Variants in PCBP3 observed in about 807,000 individuals in gnomAD.
The protein encoded by PCBP3 is poly(rC)-binding protein 3.
Under a neutral mutation model 52.7 loss-of-function variants are expected in PCBP3, and 25 were observed. That is an observed-to-expected ratio of 0.47 (90% CI 0.35 to 0.66). The LOEUF is 0.66. Among genes scored for constraint, PCBP3 ranks in the 30% least tolerant of loss-of-function variants. The pLI, the probability that PCBP3 is intolerant of heterozygous loss-of-function variation, is 0.01. For missense variants in PCBP3, 391 were observed against 490.3 expected, an observed-to-expected ratio of 0.80 and a Z score of 1.91; for synonymous variants, 162 against 183.0, an observed-to-expected ratio of 0.89 and a Z score of 0.93.
At chr21:45,926,508 G>A (rs1253681342) in intron 13 of PCBP3, among the ~76,000 whole-genome samples, 2 of 152,178 alleles carry the variant, frequency 1.3e-5, no homozygotes, top group East Asian at 3.9e-4. Flanking sequence ...TATGTCAAAC[G>A]GTGTGGTTTT....
At position 45,935,278 on chromosome 21, in the gene PCBP3, C is replaced by T. The variant is rs774683400; in HGVS notation, c.882C>T (p.Ser294=). Residue 294 remains serine, a synonymous_variant, in exon 16 of 18, where the codon AGC becomes AGT. Coordinates refer to ENST00000681687, the MANE Select transcript of PCBP3 (RefSeq NM_001384156.1). ...GTCTGGACGCCAGCCCACCGGCCAG[C>T]ACTCATGAGCTCACCATTCCCAATG... ...SSGLDASPPA[S]THELTIPNDL... 6.2e-7 allele frequency: 1 copy of T among 1,613,190 alleles called. No homozygotes were observed. The highest frequency in any genetic ancestry group is 1.1e-5 in the South Asian group (1 of 91,044).
intron 13 of PCBP3, among the ~76,000 whole-genome samples, chr21:45,925,052 C>T (rs1297186463): frequency 1.1e-5 from 1 of 94,256 alleles, no homozygotes; most frequent in East Asian, 2.2e-4. Flanking sequence ...GTAGAAACAG[C>T]ACACGTAAGA....
chr21:45,929,126 C>T (rs1603538603), intron 13 of PCBP3, among the ~76,000 whole-genome samples: 1 of 152,316 alleles, frequency 6.6e-6, no homozygotes, highest in Admixed American at 6.5e-5. Flanking sequence ...AAATGAGGCT[C>T]AGGTAAAATA....
At chr21:45,852,142 T>C (rs2094035074) in intron 5 of PCBP3, among the ~76,000 whole-genome samples, 1 of 152,268 alleles carries the variant, frequency 6.6e-6, no homozygotes, top group South Asian at 2.1e-4. Context: ...GTGATGGATA[T>C]GCTAATTTCC....
At chr21:45,781,023 A>G (rs1183300457) in intron 4 of PCBP3, among the ~76,000 whole-genome samples, 1 of 152,192 alleles carries the variant, frequency 6.6e-6, no homozygotes, top group African/African-American at 2.4e-5. Context: ...GCTGTCCCAC[A>G]GGAAGGTGAT....
At chr21:45,856,082 A>G (rs996823051) in intron 5 of PCBP3, among the ~76,000 whole-genome samples, 1 of 152,220 alleles carries the variant, frequency 6.6e-6, no homozygotes, top group African/African-American at 2.4e-5. Flanking sequence ...CTCCAAAGCC[A>G]TCTTTTATGG....
intron 2 of PCBP3, among the ~76,000 whole-genome samples, chr21:45,723,764 G>C: frequency 6.6e-6 from 1 of 152,186 alleles, no homozygotes; most frequent in East Asian, 1.9e-4. Flanking sequence ...TCGAGCTCAG[G>C]GTCTGTGGGA....
intron 2 of PCBP3, among the ~76,000 whole-genome samples, chr21:45,673,322 T>C (rs955667163): frequency 3.9e-5 from 6 of 152,174 alleles, no homozygotes; most frequent in African/African-American, 1.4e-4. Flanking sequence ...GTCACAAAGG[T>C]GTGGTATGGC....
chr21:45,786,183 AAAAAT>A (rs2091144864), intron 4 of PCBP3, among the ~76,000 whole-genome samples: 1 of 151,798 alleles, frequency 6.6e-6, no homozygotes, highest in African/African-American at 2.4e-5. Flanking sequence ...AGTTTCCAAA[AAAAAT>A]AAAAAGTTTC....
At chr21:45,851,551 C>T (rs528543011) in intron 5 of PCBP3, among the ~76,000 whole-genome samples, 80 of 151,032 alleles carry the variant, frequency 5.3e-4, no homozygotes, top group African/African-American at 1.5e-3. Context: ...TGGTGACAGT[C>T]GATGGAACAG....
intron 2 of PCBP3, among the ~76,000 whole-genome samples, chr21:45,711,337 A>G (rs2083823836): frequency 6.6e-6 from 1 of 152,194 alleles, no homozygotes; most frequent in African/African-American, 2.4e-5. Context: ...ATATACATCT[A>G]TAGATATTTC....
intron 16 of PCBP3, among the ~76,000 whole-genome samples, chr21:45,938,845 T>C (rs527519273): frequency 1.5e-3 from 223 of 152,282 alleles, no homozygotes; most frequent in Non-Finnish European, 2.8e-3. Context: ...TGAGACACCA[T>C]AGGTCTCCTC....
chr21:45,792,646 C>CT (rs1179257965), intron 4 of PCBP3, among the ~76,000 whole-genome samples: 3 of 152,162 alleles, frequency 2.0e-5, no homozygotes, highest in African/African-American at 7.2e-5. Context: ...GTCAGAGGAC[C>CT]AGATGTCTTG....
intron 13 of PCBP3, among the ~76,000 whole-genome samples, chr21:45,925,898 C>G (rs998642930): frequency 3.9e-5 from 6 of 152,108 alleles, no homozygotes; most frequent in Non-Finnish European, 5.9e-5. Flanking sequence ...GAGTGATAGG[C>G]CAAGTAGACA....
At chr21:45,804,597 G>A (rs1371986557) in intron 4 of PCBP3, among the ~76,000 whole-genome samples, 1 of 152,082 alleles carries the variant, frequency 6.6e-6, no homozygotes, top group Non-Finnish European at 1.5e-5. Context: ...TTGGTCCATT[G>A]CCTGGGCTCT....
chr21:45,920,056 T>A (rs1456400197), intron 13 of PCBP3, among the ~76,000 whole-genome samples: 10 of 144,464 alleles, frequency 6.9e-5, no homozygotes, highest in African/African-American at 2.4e-4. Flanking sequence ...AAAGGGGGGG[T>A]CACTTGACTT....
chr21:45,781,029 G>T (rs1190751699), intron 4 of PCBP3, among the ~76,000 whole-genome samples: 1 of 152,140 alleles, frequency 6.6e-6, no homozygotes, highest in East Asian at 1.9e-4. Context: ...CCACAGGAAG[G>T]TGATCACCAG....
intron 1 of PCBP3, among the ~76,000 whole-genome samples, chr21:45,651,887 A>G (rs2079708515): frequency 1.3e-5 from 2 of 152,340 alleles, no homozygotes; most frequent in Admixed American, 1.3e-4. Flanking sequence ...ATAGGACAGA[A>G]CTATTGATTT....
intron 4 of PCBP3, among the ~76,000 whole-genome samples, chr21:45,803,776 G>A (rs2092394962): frequency 6.6e-6 from 1 of 152,160 alleles, no homozygotes; most frequent in Non-Finnish European, 1.5e-5. Flanking sequence ...GACCCAGATG[G>A]TGACAGCCTG....
Sources: allele counts gnomAD v4.1 joint callset (sites outside exome capture counted in the v4.1 genomes callset), GRCh38; gene constraint gnomAD v4.1.1; transcripts MANE v1.5; gene names NCBI Gene and HGNC (gene_info 2026-07-23, HGNC 2026-07-21).